PCDHGB3: variants seen among roughly 807,000 people sequenced by gnomAD.
PCDHGB3 encodes the protein protocadherin gamma subfamily B, 3.
In PCDHGB3, 40 loss-of-function variants were observed where a neutral mutation model predicts 59.2. The observed-to-expected ratio is 0.68, with a 90% CI of 0.52 to 0.88. The LOEUF (loss-of-function observed/expected upper bound fraction) is 0.88. Among genes scored for constraint, PCDHGB3 ranks in the 40% least tolerant of loss-of-function variants. PCDHGB3 has a pLI of 0.00. For missense variants in PCDHGB3, 1,309 were observed against 1,187.9 expected, an observed-to-expected ratio of 1.10 and a Z score of -1.50; for synonymous variants, 581 against 503.6, an observed-to-expected ratio of 1.15 and a Z score of -2.06.
Position 141,421,845 on chromosome 5 carries a change from G to C in PCDHGB3, c.2415+49036G>C, listed in dbSNP as rs369443134. On this transcript the variant is annotated intron_variant, in intron 1 of 3. Transcript: ENST00000576222. ...AGGGAAGCCTGGACCGAGAGAAAGA[G>C]GCTGCTCACCTGCTCCTCCTCACAG... The C allele has an allele frequency of 1.1e-5, 18 of 1,613,638 alleles. No homozygotes were observed. The African/African-American group carries it at 2.1e-4, about 19-fold the overall frequency.
rs1412247634 is a variant in PCDHGB3, at chr5:141,391,586, A to AAT, written c.2415+18781_2415+18782dup. 2.0e-5 allele frequency: 3 copies of AAT among 152,352 alleles called. No homozygotes were observed. In the South Asian group the frequency reaches 6.2e-4, roughly 32 times the overall value. The allele number at this position is 152,352 out of a possible 1,614,324, so 9.4% of individuals were successfully genotyped here. ...GCATAAGAAAATATATTCACAGGAA[A>AAT]ATATAAAGTTTTCAGATTTCATGAG... On this transcript the variant is annotated intron_variant, in intron 1 of 3. Coordinates refer to ENST00000576222, the MANE Select transcript of PCDHGB3 (RefSeq NM_018924.5).
intron 1 of PCDHGB3, chr5:141,376,418 C>G (rs1354597104): frequency 6.2e-7 from 1 of 1,614,230 alleles, no homozygotes; most frequent in Admixed American, 1.7e-5. Context: ...TGCCGACACG[C>G]TTATCAACCA....
chr5:141,485,543 G>C lies in PCDHGB3; in HGVS notation c.2416-9264G>C. 1.9e-6 allele frequency: 3 copies of C among 1,614,092 alleles called. No homozygotes were observed. The highest frequency in any genetic ancestry group is 2.5e-6 in the Non-Finnish European group (3 of 1,179,972). On this transcript the variant is annotated intron_variant, in intron 1 of 3. Coordinates refer to ENST00000576222, the MANE Select transcript of PCDHGB3 (RefSeq NM_018924.5). This position sits in a 1 kb window ranked among gnomAD's most constrained non-coding sequence, Gnocchi z 5.7. Reference sequence around the variant, plus strand: ...AATGTACCGAGCAGAGGTAGAGATCGTAGATGTGAATGATCACGCCCCCCG... The same window carrying C: ...AATGTACCGAGCAGAGGTAGAGATCCTAGATGTGAATGATCACGCCCCCCG...
At chr5:141,376,195 C>T (rs1312737468) in intron 1 of PCDHGB3, 3 of 1,614,172 alleles carry the variant, frequency 1.9e-6, no homozygotes, top group Admixed American at 1.7e-5. Flanking sequence ...CCTGCGTCTT[C>T]CTGGCCTTCG....
In PCDHGB3 at chr5:141,415,509, T is replaced by C. The variant is rs1296405723; in HGVS notation, c.2415+42700T>C. The C allele has an allele frequency of 4.3e-6, 7 of 1,614,054 alleles. No individual in the cohort carries two copies. In the Admixed American group the frequency reaches 5.0e-5, roughly 12 times the overall value. On this transcript the variant is annotated intron_variant, in intron 1 of 3. Transcript: ENST00000576222. ...GTCACCTGATCTTCCCCCAGCCCAA[T>C]TATGCGGACACGCTCATCAGCCAGG...
At position 141,511,227 on chromosome 5, in the gene PCDHGB3, TCTC is replaced by T. The variant is rs2099883680; in HGVS notation, c.*57_*59del. 2 of 1,599,470 alleles carry T rather than the reference TCTC, an allele frequency of 1.3e-6. No homozygotes were observed. Among genetic ancestry groups the T allele is most frequent in the Non-Finnish European group, 1.7e-6 (2 of 1,173,054 alleles). ...CGGCCTCTCCCCAACCAGCCCAGCTTCTCCTTACCTGCACCCAGGCCTCAGAGT... is the reference window on the plus strand; with the variant it reads ...CGGCCTCTCCCCAACCAGCCCAGCTTCTTACCTGCACCCAGGCCTCAGAGT... On this transcript the variant is annotated 3_prime_UTR_variant, in exon 4 of 4. Transcript: ENST00000576222.
chr5:141,413,600 T>C lies in PCDHGB3; in HGVS notation c.2415+40791T>C, dbSNP rs767830855. The C allele has an allele frequency of 3.7e-6, 6 of 1,613,868 alleles. No individual in the cohort carries two copies. The Admixed American group carries it at 8.3e-5, about 22-fold the overall frequency. Reference sequence around the variant, plus strand: ...GCTCCAAAATTCCAAGCAGAAAATCTAGACGTAAAAATTAATGAAAATGTC... The same window carrying C: ...GCTCCAAAATTCCAAGCAGAAAATCCAGACGTAAAAATTAATGAAAATGTC... On this transcript the variant is annotated intron_variant, in intron 1 of 3. Transcript: ENST00000576222.
chr5:141,414,909 C>T (rs1230113440), intron 1 of PCDHGB3: 10 of 1,614,102 alleles, frequency 6.2e-6, no homozygotes, highest in Admixed American at 1.7e-5. Context: ...GTTCCACAGG[C>T]GTGGAGCTGG....
rs527514615 is a variant in PCDHGB3 at position 141,485,941 on chromosome 5, A to G, written c.2416-8866A>G. ...GGATTAGTGTGTTGGAGAGCGCACC[A>G]GCGGGCATGGTGCTCATCCAGCTCA... is the stretch of plus-strand genomic sequence containing the variant. On this transcript the variant is annotated intron_variant, in intron 1 of 3. Coordinates refer to ENST00000576222, the MANE Select transcript of PCDHGB3 (RefSeq NM_018924.5). This position sits in a 1 kb window ranked among gnomAD's most constrained non-coding sequence, Gnocchi z 5.7. The G allele has an allele frequency of 2.5e-6, 4 of 1,614,180 alleles. No homozygotes were observed. The highest frequency in any genetic ancestry group is 2.7e-5 in the African/African-American group (2 of 75,032).
At chr5:141,449,737 A>T (rs1174103155) in intron 1 of PCDHGB3, among the ~76,000 whole-genome samples, 3 of 151,666 alleles carry the variant, frequency 2.0e-5, no homozygotes, top group Non-Finnish European at 4.4e-5. Flanking sequence ...TTTTTATGAC[A>T]TGATTATTTT....
At chr5:141,450,489 CTG>C (rs2098682348) in intron 1 of PCDHGB3, among the ~76,000 whole-genome samples, 1 of 150,280 alleles carries the variant, frequency 6.7e-6, no homozygotes, top group Admixed American at 6.6e-5. Context: ...GTTTGTTTGT[CTG>C]TTTGTTTGTT....
At position 141,489,728 on chromosome 5, in the gene PCDHGB3, G is replaced by T; in HGVS notation, c.2416-5079G>T. ...GACAGTGCCCAGGATCCGGATGTGGGCACCAATACTGTGAGCTTTTACACT... is the reference window on the plus strand; with the variant it reads ...GACAGTGCCCAGGATCCGGATGTGGTCACCAATACTGTGAGCTTTTACACT... On this transcript the variant is annotated intron_variant, in intron 1 of 3. Transcript: ENST00000576222. The surrounding 1 kb of genome is among the most constrained non-coding windows in gnomAD (Gnocchi z 4.5). The T allele has an allele frequency of 3.1e-6, 5 of 1,614,138 alleles. No homozygotes were observed. The South Asian group carries it at 5.5e-5, about 18-fold the overall frequency.
Position 141,495,452 on chromosome 5 carries a change from CTCTG to C in PCDHGB3, c.2474+593_2474+596del, listed in dbSNP as rs550877100. ...GTCCTCTGCCCCTACTTGTCCTGCTCTCTGTCTGTGGGGTCTCCGTGTCTCTGCC... is the reference window on the plus strand; with the variant it reads ...GTCCTCTGCCCCTACTTGTCCTGCTCTCTGTGGGGTCTCCGTGTCTCTGCC... On this transcript the variant is annotated intron_variant, in intron 2 of 3. Coordinates refer to ENST00000576222, the MANE Select transcript of PCDHGB3 (RefSeq NM_018924.5). 5.6e-4 allele frequency among the ~76,000 whole-genome samples: 85 copies of C among 152,356 alleles called. 1 individual carries two copies. Among genetic ancestry groups the C allele is most frequent in the Admixed American group, 3.5e-3 (53 of 15,310 alleles).
intron 1 of PCDHGB3, among the ~76,000 whole-genome samples, chr5:141,397,686 T>C (rs963267542): frequency 7.2e-5 from 11 of 152,372 alleles, no homozygotes; most frequent in Middle Eastern, 3.4e-3. Flanking sequence ...TGCAGGTTTG[T>C]ATAAAAACCC....
In PCDHGB3 at chr5:141,486,270, G is replaced by A. The variant is rs1052584402; in HGVS notation, c.2416-8537G>A. 2 of 1,614,062 alleles carry A rather than the reference G, an allele frequency of 1.2e-6. No homozygotes were observed. Reference sequence around the variant, plus strand: ...ACCCTCCCCGAGAGTGCAGAACCTGGCACTGTGGTGGCACTTATCAGTGTG... The same window carrying A: ...ACCCTCCCCGAGAGTGCAGAACCTGACACTGTGGTGGCACTTATCAGTGTG... On this transcript the variant is annotated intron_variant, in intron 1 of 3. Coordinates refer to ENST00000576222, the MANE Select transcript of PCDHGB3 (RefSeq NM_018924.5). This position sits in a 1 kb window ranked among gnomAD's most constrained non-coding sequence, Gnocchi z 5.0.
chr5:141,403,273 A>C, intron 1 of PCDHGB3: 1 of 1,613,886 alleles, frequency 6.2e-7, no homozygotes, highest in African/African-American at 1.3e-5. Context: ...TGAACTTTAA[A>C]GTCCTGGTTG....
chr5:141,374,721 C>T, intron 1 of PCDHGB3: 1 of 1,610,366 alleles, frequency 6.2e-7, no homozygotes, highest in Non-Finnish European at 8.5e-7. Context: ...CTGGTCCTTA[C>T]TGCCATGGAT....
In PCDHGB3 at chr5:141,485,798, C is replaced by T. The variant is rs764109672; in HGVS notation, c.2416-9009C>T. The T allele has an allele frequency of 2.0e-5, 32 of 1,614,172 alleles. No individual in the cohort carries two copies. The highest frequency in any genetic ancestry group is 1.1e-4 in the East Asian group (5 of 44,876). ...GGATCGAGAGAAGCAATCGGACTAC[C>T]GCCTGGTGCTGACTGCTGTCGATGG... is the stretch of plus-strand genomic sequence containing the variant. On this transcript the variant is annotated intron_variant, in intron 1 of 3. Coordinates refer to ENST00000576222, the MANE Select transcript of PCDHGB3 (RefSeq NM_018924.5). The surrounding 1 kb of genome is among the most constrained non-coding windows in gnomAD (Gnocchi z 5.7).
rs560662076 is a variant in PCDHGB3, at chr5:141,498,856, C to A, written c.2474+3991C>A. Among the ~76,000 whole-genome samples, 72 of 152,004 alleles carry A rather than the reference C, an allele frequency of 4.7e-4. 2 individuals carry two copies. Among genetic ancestry groups the A allele is most frequent in the African/African-American group, 1.7e-3 (69 of 41,430 alleles). ...GCTGAGGCAGGGGAATCGCTTGAACCCAGGAGGCGGAGGTTGCAGTGAGCT... is the reference window on the plus strand; with the variant it reads ...GCTGAGGCAGGGGAATCGCTTGAACACAGGAGGCGGAGGTTGCAGTGAGCT... On this transcript the variant is annotated intron_variant, in intron 2 of 3. Coordinates refer to ENST00000576222, the MANE Select transcript of PCDHGB3 (RefSeq NM_018924.5).
Sources: gnomAD v4.1 joint callset for allele counts (sites outside exome capture counted in the v4.1 genomes callset) on GRCh38, gnomAD v4.1.1 for gene constraint, Gnocchi (gnomAD v3.1) non-coding constraint, MANE v1.5 for transcripts, NCBI Gene and HGNC (gene_info 2026-07-23, HGNC 2026-07-21) for gene names.